The following DOCK3 variants were observed in gnomAD, a reference collection of about 807,000 sequenced individuals.
DOCK3 encodes the protein dedicator of cytokinesis 3.
Under a neutral mutation model 265.6 loss-of-function variants are expected in DOCK3, and 60 were observed. That is an observed-to-expected ratio of 0.23 (90% CI 0.18 to 0.28). DOCK3 has a LOEUF of 0.28. Among genes scored for constraint, DOCK3 ranks in the 10% least tolerant of loss-of-function variants. The probability of loss-of-function intolerance (pLI) is 1.00; values close to 1 mark genes in which losing one functional copy is unlikely to be tolerated. For synonymous variants in DOCK3, 881 were observed against 938.0 expected (o/e 0.94, Z 1.11); for missense variants, 1,981 against 2,594.3 (o/e 0.76, Z 5.14).
At chr3:51,376,033 C>T (rs1287873288) in intron 51 of DOCK3, among the ~76,000 whole-genome samples, 198 bp downstream of exon 51, 2 of 152,284 alleles carry the variant, frequency 1.3e-5, no homozygotes, top group Admixed American at 6.5e-5. Context: ...ATCCTGTATC[C>T]CTCCTTCCTC....
At chr3:50,719,374 A>G (rs551987533) in intron 1 of DOCK3, 5 of 416,112 alleles carry the variant, frequency 1.2e-5, no homozygotes, top group Admixed American at 3.5e-5. Flanking sequence ...GACCTGCAGC[A>G]AGAGCACAGT....
intron 5 of DOCK3, among the ~76,000 whole-genome samples, chr3:51,058,608 T>G (rs1380079618): frequency 6.6e-6 from 1 of 152,182 alleles, no homozygotes; most frequent in Non-Finnish European, 1.5e-5. Context: ...CCATCTTAGT[T>G]TGTTGGGCTG....
intron 5 of DOCK3, among the ~76,000 whole-genome samples, chr3:50,968,293 A>C (rs913228394): frequency 6.6e-6 from 1 of 152,052 alleles, no homozygotes. Context: ...CAGTCTCTGG[A>C]GTAGCTGAGG....
intron 4 of DOCK3, among the ~76,000 whole-genome samples, chr3:50,894,775 CTT>C (rs2048815715): frequency 6.6e-6 from 1 of 151,908 alleles, no homozygotes; most frequent in Admixed American, 6.6e-5. Flanking sequence ...GCATGCAAAT[CTT>C]TTAAGTTTAG....
intron 13 of DOCK3, among the ~76,000 whole-genome samples, chr3:51,212,054 C>T (rs1383133360): frequency 6.6e-6 from 1 of 152,166 alleles, no homozygotes; most frequent in East Asian, 1.9e-4. Flanking sequence ...TTGGTATGTG[C>T]TTCAGTCACC....
At chr3:51,123,541 A>G (rs2084129663) in intron 9 of DOCK3, among the ~76,000 whole-genome samples, 1 of 151,266 alleles carries the variant, frequency 6.6e-6, no homozygotes, top group Non-Finnish European at 1.5e-5. Context: ...GGATCATAAC[A>G]GAAAGACACA....
In DOCK3 at chr3:51,259,081, C is replaced by G. The variant is rs143194478; in HGVS notation, c.2185-1075C>G. On this transcript the variant is annotated intron_variant, in intron 22 of 52. Coordinates refer to ENST00000266037, the MANE Select transcript of DOCK3 (RefSeq NM_004947.5). ...TCTTTATAGACTAGGCATTAAAAAGCTACTAGAACAGAGGGTGTAGCATTT... is the reference window on the plus strand; with the variant it reads ...TCTTTATAGACTAGGCATTAAAAAGGTACTAGAACAGAGGGTGTAGCATTT... 2.2e-3 allele frequency among the ~76,000 whole-genome samples: 337 copies of G among 152,272 alleles called. 1 individual carries two copies. The highest frequency in any genetic ancestry group is 7.7e-3 in the African/African-American group (318 of 41,552).
intron 14 of DOCK3, among the ~76,000 whole-genome samples, chr3:51,215,046 T>G (rs781618213): frequency 6.6e-6 from 1 of 152,172 alleles, no homozygotes. Flanking sequence ...AAAAGGAGAT[T>G]AGAATGGGTA....
At chr3:51,310,570 G>T (rs1053646896) in intron 28 of DOCK3, among the ~76,000 whole-genome samples, 19 of 152,198 alleles carry the variant, frequency 1.2e-4, no homozygotes, top group Admixed American at 1.2e-3. Context: ...CTTGAGGAAG[G>T]CCTGCTCAGT....
intron 1 of DOCK3, among the ~76,000 whole-genome samples, chr3:50,760,817 C>G (rs545499052): frequency 6.7e-6 from 1 of 148,902 alleles, no homozygotes; most frequent in Non-Finnish European, 1.5e-5. Context: ...GAGTCTTGCT[C>G]TGTCTCTCAG....
At chr3:50,999,433 G>A (rs2078395330) in intron 5 of DOCK3, among the ~76,000 whole-genome samples, 2 of 152,024 alleles carry the variant, frequency 1.3e-5, no homozygotes, top group Admixed American at 1.3e-4. Context: ...CTTATATTGG[G>A]GATTTCTCCA....
chr3:51,185,056 A>C, intron 12 of DOCK3, among the ~76,000 whole-genome samples: 1 of 152,216 alleles, frequency 6.6e-6, no homozygotes, highest in East Asian at 1.9e-4. Flanking sequence ...AAATGAGAAA[A>C]GTTTGAGAAA....
intron 49 of DOCK3, among the ~76,000 whole-genome samples, chr3:51,368,778 C>T (rs1212937637): frequency 1.3e-5 from 2 of 152,192 alleles, no homozygotes; most frequent in African/African-American, 4.8e-5. Flanking sequence ...CCTGAACCCT[C>T]AGGAGCCTAA....
chr3:50,676,541 T>G (rs1200301207), intron 1 of DOCK3, among the ~76,000 whole-genome samples: 1 of 152,208 alleles, frequency 6.6e-6, no homozygotes, highest in Non-Finnish European at 1.5e-5. Flanking sequence ...TCTTAGAGTA[T>G]TCCCTGAATA....
At chr3:51,135,708 T>C (rs1320173341) in intron 9 of DOCK3, among the ~76,000 whole-genome samples, 5 of 152,138 alleles carry the variant, frequency 3.3e-5, no homozygotes, top group Non-Finnish European at 5.9e-5. Flanking sequence ...GTACTCTTTT[T>C]TTTATTTTAT....
rs986570472 is a variant in DOCK3, at chr3:51,357,895, A to G, written c.4767+54A>G. ...AGCCAGGTGAGAAAAGCCATGCACT[A>G]CAAGATGAGCAGTTCTCAGGGGCTA... is the stretch of plus-strand genomic sequence containing the variant. On this transcript the variant is annotated intron_variant, in intron 45 of 52. Coordinates refer to ENST00000266037, the MANE Select transcript of DOCK3 (RefSeq NM_004947.5). 11 of 1,613,054 alleles carry G rather than the reference A, an allele frequency of 6.8e-6. No individual in the cohort carries two copies. The African/African-American group carries it at 1.1e-4, about 16-fold the overall frequency.
At chr3:51,282,156 A>T (rs968751477) in intron 27 of DOCK3, among the ~76,000 whole-genome samples, 5 of 152,224 alleles carry the variant, frequency 3.3e-5, no homozygotes, top group Admixed American at 6.5e-5. Context: ...AGGAGAACAA[A>T]GGAAGAGAGG....
intron 3 of DOCK3, among the ~76,000 whole-genome samples, chr3:50,843,737 A>C (rs1378132013): frequency 6.6e-6 from 1 of 152,118 alleles, no homozygotes; most frequent in African/African-American, 2.4e-5. Context: ...CTATTCTAGA[A>C]TCTTAGGTTA....
chr3:51,194,822 C>CTTT (rs781358698), intron 12 of DOCK3, among the ~76,000 whole-genome samples: 30 of 125,784 alleles, frequency 2.4e-4, no homozygotes, highest in African/African-American at 2.7e-4. Context: ...AGGTGAATAT[C>CTTT]TTTTTTTTTT....
Sources: allele counts gnomAD v4.1 joint callset (sites outside exome capture counted in the v4.1 genomes callset), GRCh38; gene constraint gnomAD v4.1.1; transcripts MANE v1.5; gene names NCBI Gene and HGNC (gene_info 2026-07-23, HGNC 2026-07-21).